Variants in CELF4 observed in about 807,000 individuals in gnomAD.
CELF4 encodes CUG-BP- and ETR-3-like factor 4.
In CELF4, 18 loss-of-function variants were observed where a neutral mutation model predicts 59.9. The ratio of observed to expected loss-of-function variants is 0.30; its 90% CI spans 0.21 to 0.45. The LOEUF is 0.45. CELF4 is among the 20% of genes least tolerant of loss of function. The probability of loss-of-function intolerance (pLI) is 1.00; values close to 1 mark genes in which losing one functional copy is unlikely to be tolerated. For synonymous variants in CELF4, 261 were observed against 267.1 expected (o/e 0.98, Z 0.22); for missense variants, 456 against 689.0 (o/e 0.66, Z 3.79).
At chr18:37,284,107 G>A (rs1181421896) in intron 3 of CELF4, among the ~76,000 whole-genome samples, 1 of 143,644 alleles carries the variant, frequency 7.0e-6, no homozygotes, top group Non-Finnish European at 1.5e-5. Flanking sequence ...ACACCAATAT[G>A]CACACCAGCA....
chr18:37,306,753 C>T (rs1032393613), intron 3 of CELF4, among the ~76,000 whole-genome samples: 8 of 152,174 alleles, frequency 5.3e-5, no homozygotes, highest in African/African-American at 1.2e-4. Flanking sequence ...AGTTGGAGGC[C>T]GACACATTTC....
At position 37,253,254 on chromosome 18, in the gene CELF4, T is replaced by C. The variant is rs2066690387; in HGVS notation, c.*44+513A>G. On this transcript the variant is annotated intron_variant, in intron 12 of 12. Coordinates refer to ENST00000420428, the MANE Select transcript of CELF4 (RefSeq NM_020180.4). This position sits in a 1 kb window ranked among gnomAD's most constrained non-coding sequence, Gnocchi z 4.5. The stretch of plus-strand genomic sequence containing the variant: ...GTAAAGTTCCCTTTGAAAGATCCTG[T>C]CCTTCCTCTCTTCACTGAGCTATGG... Among the ~76,000 whole-genome samples the C allele has an allele frequency of 6.6e-6, 1 of 152,210 alleles. No individual in the cohort carries two copies. The highest frequency in any genetic ancestry group is 2.4e-5 in the African/African-American group (1 of 41,460).
chr18:37,267,903 G>A (rs985184539), intron 8 of CELF4, among the ~76,000 whole-genome samples: 1 of 152,156 alleles, frequency 6.6e-6, no homozygotes, highest in Non-Finnish European at 1.5e-5. Flanking sequence ...TGGGCATGGT[G>A]GTGGGCACCT....
chr18:37,555,741 A>G (rs1329409709), intron 1 of CELF4, among the ~76,000 whole-genome samples: 1 of 152,226 alleles, frequency 6.6e-6, no homozygotes, highest in Non-Finnish European at 1.5e-5. Flanking sequence ...AGAGGTATTG[A>G]TAAGCCCATT....
rs1195783644 is a variant in CELF4 at position 37,264,633 on chromosome 18, CAG to C, written c.1249+39_1249+40del. The C allele has an allele frequency of 2.6e-6, 4 of 1,518,610 alleles. No individual in the cohort carries two copies. The South Asian group carries it at 3.6e-5, about 14-fold the overall frequency. The allele number at this position is 1,518,610 out of a possible 1,614,324, so 94.1% of individuals were successfully genotyped here. ...AGGTGAGCAGCCTCTTTGGGGACAA[CAG>C]GGGGAGGGAGGGGCCCAGGAGCTGG... On this transcript the variant is annotated intron_variant, in intron 10 of 12. Transcript: ENST00000420428.
intron 3 of CELF4, among the ~76,000 whole-genome samples, chr18:37,312,098 G>T (rs2096679583): frequency 8.6e-6 from 1 of 116,532 alleles, no homozygotes; most frequent in Non-Finnish European, 1.6e-5. Context: ...GCTACAGAGC[G>T]AGATTCCGTC....
chr18:37,380,792 AATCC>A (rs56181705), intron 2 of CELF4, among the ~76,000 whole-genome samples: 298 of 134,894 alleles, frequency 2.2e-3, no homozygotes, highest in African/African-American at 7.1e-3. Context: ...TTTCTCCATG[AATCC>A]ATCCATCCAT....
intron 2 of CELF4, among the ~76,000 whole-genome samples, chr18:37,439,078 C>G (rs1345557543): frequency 6.6e-6 from 1 of 152,094 alleles, no homozygotes; most frequent in Non-Finnish European, 1.5e-5. Context: ...TGCAGAGGGC[C>G]CCAGGGACTC....
chr18:37,308,974 G>A (rs2154482889), intron 3 of CELF4, among the ~76,000 whole-genome samples: 1 of 152,248 alleles, frequency 6.6e-6, no homozygotes, highest in African/African-American at 2.4e-5. Context: ...ACCTGGGCAG[G>A]TTCAGCTTCA....
intron 2 of CELF4, among the ~76,000 whole-genome samples, chr18:37,427,041 G>A (rs879673295): frequency 9.2e-5 from 14 of 151,424 alleles, no homozygotes; most frequent in African/African-American, 1.2e-4. Context: ...GGGACACGGG[G>A]GGGGGGGAAG....
chr18:37,250,573 C>T (rs2064885684), intron 12 of CELF4, among the ~76,000 whole-genome samples: 1 of 152,204 alleles, frequency 6.6e-6, no homozygotes, highest in South Asian at 2.1e-4. Flanking sequence ...GCTTCCTGCC[C>T]TTCTGAGCAC....
At chr18:37,502,308 A>T (rs919413509) in intron 1 of CELF4, among the ~76,000 whole-genome samples, 1 of 152,068 alleles carries the variant, frequency 6.6e-6, no homozygotes, top group Non-Finnish European at 1.5e-5. Context: ...TCCAAGACGA[A>T]ATTTTTCTAC....
chr18:37,556,841 C>T (rs1013522669), intron 1 of CELF4, among the ~76,000 whole-genome samples: 11 of 152,168 alleles, frequency 7.2e-5, no homozygotes, highest in Non-Finnish European at 8.8e-5. Context: ...CAAACAGCCA[C>T]GTATGGCATT....
chr18:37,451,826 C>T (rs778064281), intron 2 of CELF4, among the ~76,000 whole-genome samples: 4 of 152,238 alleles, frequency 2.6e-5, no homozygotes, highest in Non-Finnish European at 5.9e-5. Flanking sequence ...AGCCCAACCC[C>T]AGCCATCCAT....
At chr18:37,389,772 C>T (rs1569568491) in intron 2 of CELF4, among the ~76,000 whole-genome samples, 1 of 152,288 alleles carries the variant, frequency 6.6e-6, no homozygotes. Flanking sequence ...ATAGACACAG[C>T]CTCCAGTATA....
rs1279602960 is a variant in CELF4 at position 37,244,097 on chromosome 18, A to C, written c.*1145T>G. On this transcript the variant is annotated 3_prime_UTR_variant, in exon 13 of 13. Transcript: ENST00000420428. ...CTCTGTCTAAACTCTACAAAAGTAC[A>C]GTCCTACAACATCTGGGATTTTAGC... 1 of 154,652 alleles carries C rather than the reference A, an allele frequency of 6.5e-6. No homozygotes were observed. Among genetic ancestry groups the C allele is most frequent in the Non-Finnish European group, 1.4e-5 (1 of 69,582 alleles). The allele number at this position is 154,652 out of a possible 1,614,324, so 9.6% of individuals were successfully genotyped here. A position where few individuals can be genotyped will look rare whatever the true frequency, so the allele number is the denominator to read the frequency against.
At chr18:37,441,481 G>A (rs2154601196) in intron 2 of CELF4, among the ~76,000 whole-genome samples, 1 of 152,276 alleles carries the variant, frequency 6.6e-6, no homozygotes, top group South Asian at 2.1e-4. Context: ...AAATGAGGAG[G>A]CTAATTGTTC....
intron 2 of CELF4, among the ~76,000 whole-genome samples, 194 bp from the exon 3 acceptor site, chr18:37,322,075 G>A (rs1326672883): frequency 1.3e-5 from 2 of 152,230 alleles, no homozygotes; most frequent in Non-Finnish European, 2.9e-5. Flanking sequence ...ACGGCCCCAT[G>A]GCCCCATTCT....
At chr18:37,406,224 G>A (rs887024153) in intron 2 of CELF4, among the ~76,000 whole-genome samples, 6 of 152,090 alleles carry the variant, frequency 3.9e-5, no homozygotes, top group East Asian at 1.9e-4. Context: ...TGGCTTTAAA[G>A]GAGGCAAAGC....
Sources: gnomAD v4.1 joint callset for allele counts (sites outside exome capture counted in the v4.1 genomes callset) on GRCh38, gnomAD v4.1.1 for gene constraint, Gnocchi (gnomAD v3.1) non-coding constraint, MANE v1.5 for transcripts, NCBI Gene and HGNC (gene_info 2026-07-23, HGNC 2026-07-21) for gene names.